The following TRPM3 variants were observed in gnomAD, a reference collection of about 807,000 sequenced individuals.
TRPM3 encodes transient receptor potential cation channel subfamily M member 3, also known as long transient receptor potential channel 3.
Under a neutral mutation model 181.2 loss-of-function variants are expected in TRPM3, and 77 were observed. The observed-to-expected ratio is 0.42, with a 90% confidence interval of 0.35 to 0.51. The LOEUF is 0.51. TRPM3 is among the 20% of genes least tolerant of loss of function. The pLI is 0.01. For missense variants in TRPM3, 1,759 were observed against 2,196.7 expected (o/e 0.80, Z 3.98); for synonymous variants, 745 against 796.4 (o/e 0.94, Z 1.09).
At chr9:70,741,662 T>C (rs2074127880) in intron 8 of TRPM3, among the ~76,000 whole-genome samples, 1 of 152,174 alleles carries the variant, frequency 6.6e-6, no homozygotes, top group African/African-American at 2.4e-5. Context: ...AATGGAATGA[T>C]GGCATTCATA....
chr9:70,853,639 T>A (rs933953116), intron 3 of TRPM3, among the ~76,000 whole-genome samples: 2 of 152,186 alleles, frequency 1.3e-5, no homozygotes, highest in East Asian at 3.8e-4. Context: ...TTACCTAACC[T>A]CTTTTGACCA....
At chr9:71,253,807 T>C (rs181394482) in intron 1 of TRPM3, among the ~76,000 whole-genome samples, 34 of 152,260 alleles carry the variant, frequency 2.2e-4, no homozygotes, top group Admixed American at 4.6e-4. Flanking sequence ...TGCCTAAGTG[T>C]CTATCAATGG....
intron 8 of TRPM3, among the ~76,000 whole-genome samples, chr9:70,742,532 C>T (rs1011137377): frequency 6.6e-6 from 1 of 152,268 alleles, no homozygotes. Context: ...ATTCCCCCTA[C>T]CTAACTGTGA....
At chr9:70,960,135 T>G (rs2097123023) in intron 1 of TRPM3, among the ~76,000 whole-genome samples, 1 of 152,150 alleles carries the variant, frequency 6.6e-6, no homozygotes, top group African/African-American at 2.4e-5. Flanking sequence ...TTTTTTTTTT[T>G]TTTAACACCT....
intron 9 of TRPM3, among the ~76,000 whole-genome samples, chr9:70,651,253 G>A (rs934259039): frequency 6.6e-6 from 1 of 152,088 alleles, no homozygotes; most frequent in African/African-American, 2.4e-5. Context: ...TTTATAAAGA[G>A]TATTATTCTT....
At chr9:71,003,259 T>G (rs1024615009) in intron 1 of TRPM3, among the ~76,000 whole-genome samples, 2 of 151,932 alleles carry the variant, frequency 1.3e-5, no homozygotes, top group African/African-American at 2.4e-5. Context: ...TTCAAGGATC[T>G]TTTCCCCATT....
rs573530931 is a variant in TRPM3, at chr9:71,340,351, T to C, written c.183+106302A>G. ...ATCAGTATGTGTGTGAATGCATGGATTGGTGAAATGGTTTGGCTGTGTCCC... is the reference window on the plus strand; with the variant it reads ...ATCAGTATGTGTGTGAATGCATGGACTGGTGAAATGGTTTGGCTGTGTCCC... On this transcript the variant is annotated intron_variant, in intron 1 of 24. Transcript: ENST00000357533. Among the ~76,000 whole-genome samples, 114 of 152,182 alleles carry C rather than the reference T, an allele frequency of 7.5e-4. 1 individual carries two copies. Among genetic ancestry groups the C allele is most frequent in the Middle Eastern group, 3.4e-3 (1 of 294 alleles).
intron 1 of TRPM3, among the ~76,000 whole-genome samples, chr9:70,875,255 G>A (rs9792446): frequency 0.2 from 29,901 of 151,762 alleles, 3,138 homozygotes; most frequent in East Asian, 0.36. Context: ...CCAATTCCTA[G>A]AGTTAGGATT....
At chr9:71,419,487 G>GA (rs1163711578) in intron 1 of TRPM3, among the ~76,000 whole-genome samples, 1 of 151,842 alleles carries the variant, frequency 6.6e-6, no homozygotes, top group Non-Finnish European at 1.5e-5. Context: ...TAAAGAAATT[G>GA]AAAAATCAGT....
Position 70,549,693 on chromosome 9 carries a change from AG to A in TRPM3, c.3575-20del, listed in dbSNP as rs1427220258. 5.7e-6 allele frequency: 9 copies of A among 1,580,070 alleles called. No individual in the cohort carries two copies. In the African/African-American group the frequency reaches 1.1e-4, roughly 19 times the overall value. On this transcript the variant is annotated intron_variant, in intron 24 of 25. Coordinates refer to ENST00000677713, the MANE Select transcript of TRPM3 (RefSeq NM_001366145.2). ...AAGAGTTCTGTGGAAAAAAAAAAAA[AG>A]GAAGTCTTGAGGGAGAGAAGTAAAA...
chr9:70,999,940 T>C (rs1478303279), intron 1 of TRPM3, among the ~76,000 whole-genome samples: 1 of 152,170 alleles, frequency 6.6e-6, no homozygotes, highest in East Asian at 1.9e-4. Flanking sequence ...CAGGCTGTTT[T>C]TAAAGTCAGA....
intron 1 of TRPM3, among the ~76,000 whole-genome samples, chr9:71,258,913 A>C (rs555207014): frequency 1.7e-4 from 26 of 152,262 alleles, no homozygotes; most frequent in Admixed American, 3.9e-4. Flanking sequence ...TCTTAATTAT[A>C]CTTTAAGTTC....
chr9:70,959,116 C>T (rs1201038134), intron 1 of TRPM3, among the ~76,000 whole-genome samples: 2 of 150,842 alleles, frequency 1.3e-5, no homozygotes, highest in Non-Finnish European at 2.9e-5. Context: ...AACTAACCTG[C>T]ACATTGTGCA....
intron 1 of TRPM3, among the ~76,000 whole-genome samples, chr9:71,419,185 T>G (rs1229390451): frequency 6.6e-6 from 1 of 151,788 alleles, no homozygotes; most frequent in East Asian, 1.9e-4. Context: ...TTTATAGGAC[T>G]AGTAAACAGA....
chr9:71,061,317 G>A (rs1220608617), intron 1 of TRPM3, among the ~76,000 whole-genome samples: 1 of 152,116 alleles, frequency 6.6e-6, no homozygotes, highest in Non-Finnish European at 1.5e-5. Flanking sequence ...TTACTGGCTT[G>A]GGACATCCCA....
At chr9:71,404,979 C>T (rs1208443063) in intron 1 of TRPM3, among the ~76,000 whole-genome samples, 1 of 152,172 alleles carries the variant, frequency 6.6e-6, no homozygotes, top group African/African-American at 2.4e-5. Context: ...TCCATGACCC[C>T]TTCGGCTCCT....
intron 21 of TRPM3, among the ~76,000 whole-genome samples, chr9:70,596,712 C>CA (rs33932883): frequency 0.18 from 24,181 of 131,886 alleles, 2,237 homozygotes; most frequent in East Asian, 0.25. Context: ...AAAACACTGT[C>CA]AAAAAAAAAA....
intron 1 of TRPM3, among the ~76,000 whole-genome samples, chr9:71,216,993 C>T (rs374705054): frequency 3.3e-4 from 40 of 120,152 alleles, no homozygotes; most frequent in African/African-American, 1.1e-3. Context: ...CTCTGTCGCC[C>T]AGGCTGGAGT....
At chr9:70,664,802 C>T (rs993952490) in intron 9 of TRPM3, among the ~76,000 whole-genome samples, 4 of 151,908 alleles carry the variant, frequency 2.6e-5, no homozygotes, top group Admixed American at 2.6e-4. Flanking sequence ...AGGAGCACAC[C>T]ACCACCCCCG....
Sources: gnomAD v4.1 joint callset for allele counts (sites outside exome capture counted in the v4.1 genomes callset) on GRCh38, gnomAD v4.1.1 for gene constraint, MANE v1.5 for transcripts, NCBI Gene and HGNC (gene_info 2026-07-23, HGNC 2026-07-21) for gene names.